CCDC66: variants seen among roughly 807,000 people sequenced by gnomAD.
CCDC66 encodes the protein coiled-coil domain-containing protein 66.
In CCDC66, 133 loss-of-function variants were observed where a neutral mutation model predicts 128.3. The ratio of observed to expected loss-of-function variants is 1.04; its 90% CI spans 0.90 to 1.20. The LOEUF is 1.20. Among genes scored for constraint, CCDC66 ranks in the 50% most tolerant of loss-of-function variants. The pLI, the probability that CCDC66 is intolerant of heterozygous loss-of-function variation, is 0.00. For missense variants in CCDC66, 1,126 were observed against 1,075.5 expected, an observed-to-expected ratio of 1.05 and a Z score of -0.66; for synonymous variants, 387 against 357.0, an observed-to-expected ratio of 1.08 and a Z score of -0.95.
intron 10 of CCDC66, 94 bp from the exon 11 acceptor site, chr3:56,613,495 G>A: frequency 7.0e-7 from 1 of 1,422,522 alleles, no homozygotes; most frequent in Admixed American, 2.5e-5. Context: ...CTGTGGAAGA[G>A]GTGAGCACTG....
At position 56,619,403 on chromosome 3, in the gene CCDC66, A is replaced by G. The variant is rs771966078; in HGVS notation, c.2511A>G (p.Ser837=). The G allele has an allele frequency of 6.2e-7, 1 of 1,614,164 alleles. No homozygotes were observed. Among genetic ancestry groups the G allele is most frequent in the South Asian group, 1.1e-5 (1 of 91,072 alleles). The change falls in exon 16 of 18, where the codon TCA becomes TCG. Residue 837 remains serine, a synonymous_variant. Transcript: ENST00000394672. Reference sequence around the variant, plus strand: ...CAGGAAGTAATCAAACAGAATTATCATCTGGGATTTCTGAATCATCCCATT... The same window carrying G: ...CAGGAAGTAATCAAACAGAATTATCGTCTGGGATTTCTGAATCATCCCATT... ...LISGSNQTEL[S]SGISESSHFI...
At position 56,605,348 on chromosome 3, in the gene CCDC66, G is replaced by T. The variant is rs535150257; in HGVS notation, c.1405-8241G>T. ...CTTGTGATCCTTTGGAGGAGAAGAG[G>T]CGTTCTGGTTTTTGGAATTTTCAGT... On this transcript the variant is annotated intron_variant, in intron 10 of 17. Coordinates refer to ENST00000394672, the MANE Select transcript of CCDC66 (RefSeq NM_001141947.3). Among the ~76,000 whole-genome samples, 152 of 152,134 alleles carry T rather than the reference G, an allele frequency of 1.0e-3. 1 individual carries two copies. Among genetic ancestry groups the T allele is most frequent in the African/African-American group, 3.3e-3 (137 of 41,434 alleles).
At chr3:56,580,038 G>A (rs953458928) in intron 7 of CCDC66, among the ~76,000 whole-genome samples, 1 of 151,668 alleles carries the variant, frequency 6.6e-6, no homozygotes, top group African/African-American at 2.4e-5. Context: ...TATTGTGTGG[G>A]AGTCTAAGTC....
intron 7 of CCDC66, among the ~76,000 whole-genome samples, chr3:56,591,618 C>G (rs1000872818): frequency 2.0e-5 from 3 of 152,180 alleles, no homozygotes; most frequent in African/African-American, 7.2e-5. Context: ...CCATTTTGAC[C>G]TCTAAAACAT....
At chr3:56,569,325 T>C (rs1302469364) in intron 6 of CCDC66, 1 of 346,830 alleles carries the variant, frequency 2.9e-6, no homozygotes, top group Non-Finnish European at 6.1e-6. Context: ...TTGCAGACTG[T>C]ACAAGCATGG....
At chr3:56,605,066 A>G (rs2073873256) in intron 10 of CCDC66, among the ~76,000 whole-genome samples, 1 of 151,876 alleles carries the variant, frequency 6.6e-6, no homozygotes, top group Admixed American at 6.6e-5. Flanking sequence ...CAGTTTGGCT[A>G]TTGATACTTG....
In CCDC66 at chr3:56,615,135, T is replaced by A. The variant is rs1308359328; in HGVS notation, c.1574T>A (p.Met525Lys). ...ILKQKQKEEI[M>K]TLKTNELFQT... ...ACACATCAATATTGACAGGAAATCA[T>A]GACTCTCAAGACAAATGAGCTATTC... The change falls in exon 12 of 18, where the codon ATG (methionine) becomes AAG (lysine). Residue 525 changes from methionine (M) to lysine (K), a missense_variant. Transcript: ENST00000394672. 1 of 1,613,310 alleles carries A rather than the reference T, an allele frequency of 6.2e-7. No individual in the cohort carries two copies. Among genetic ancestry groups the A allele is most frequent in the African/African-American group, 1.3e-5 (1 of 74,876 alleles).
intron 10 of CCDC66, among the ~76,000 whole-genome samples, chr3:56,611,253 T>TG (rs2074763539): frequency 6.6e-6 from 1 of 151,982 alleles, no homozygotes; most frequent in African/African-American, 2.4e-5. Context: ...GTGGCTGCTG[T>TG]GGGGGACGGG....
chr3:56,612,931 G>T (rs1319902841), intron 10 of CCDC66, among the ~76,000 whole-genome samples: 1 of 152,134 alleles, frequency 6.6e-6, no homozygotes, highest in Non-Finnish European at 1.5e-5. Context: ...GATTTCCCAG[G>T]CCACCAGCAG....
In CCDC66 at chr3:56,621,659, C is replaced by A; in HGVS notation, c.*41C>A. 1 of 1,389,080 alleles carries A rather than the reference C, an allele frequency of 7.2e-7. No homozygotes were observed. The highest frequency in any genetic ancestry group is 1.0e-6 in the Non-Finnish European group (1 of 997,146). The allele number at this position is 1,389,080 out of a possible 1,614,324, so 86.0% of individuals were successfully genotyped here. On this transcript the variant is annotated 3_prime_UTR_variant, in exon 18 of 18. Coordinates refer to ENST00000394672, the MANE Select transcript of CCDC66 (RefSeq NM_001141947.3). ...TCCTTCACATTTGATTTGTGTCTTCCAAATTATAAAATGTGCTCACTGGCT... is the reference window on the plus strand; with the variant it reads ...TCCTTCACATTTGATTTGTGTCTTCAAAATTATAAAATGTGCTCACTGGCT...
intron 7 of CCDC66, among the ~76,000 whole-genome samples, chr3:56,576,957 A>G (rs558179148): frequency 8.6e-5 from 13 of 151,958 alleles, no homozygotes; most frequent in African/African-American, 3.1e-4. Flanking sequence ...GGCTGGGTCA[A>G]ATAGTATTTC....
intron 7 of CCDC66, among the ~76,000 whole-genome samples, chr3:56,584,058 C>CG (rs1404558600): frequency 2.6e-5 from 3 of 115,876 alleles, no homozygotes; most frequent in African/African-American, 1.1e-4. Flanking sequence ...GCTGGCCGGG[C>CG]GGGGGCTGCC....
rs2071405508 is a variant in CCDC66, at chr3:56,594,037, T to C, written c.1404+9T>C. The C allele has an allele frequency of 3.7e-6, 6 of 1,603,746 alleles. No homozygotes were observed. In the East Asian group the frequency reaches 1.1e-4, roughly 30 times the overall value. On this transcript the variant is annotated intron_variant, in intron 10 of 17. Coordinates refer to ENST00000394672, the MANE Select transcript of CCDC66 (RefSeq NM_001141947.3). ...AACAATTAGAGCATCAGGTATTGCA[T>C]TGTTAAACATTGTTCTTTACCTTAA...
At chr3:56,595,539 A>C (rs2071724138) in intron 10 of CCDC66, among the ~76,000 whole-genome samples, 1 of 152,218 alleles carries the variant, frequency 6.6e-6, no homozygotes, top group Non-Finnish European at 1.5e-5. Context: ...TAACATAATG[A>C]CGTCCAGTCC....
At chr3:56,617,889 C>A in intron 14 of CCDC66, 1 of 564,980 alleles carries the variant, frequency 1.8e-6, no homozygotes, top group Non-Finnish European at 3.1e-6. Context: ...TTATGCTTAT[C>A]GAGTCCTTTA....
intron 15 of CCDC66, 89 bp downstream of exon 15, chr3:56,618,301 G>C (rs2075789201): frequency 2.6e-6 from 3 of 1,144,692 alleles, no homozygotes; most frequent in Non-Finnish European, 2.6e-6. Flanking sequence ...GCATCATATG[G>C]TATATGTAGA....
Position 56,617,332 on chromosome 3 carries a change from G to A in CCDC66, c.2064G>A (p.Glu688=). 6.2e-7 allele frequency: 1 copy of A among 1,612,208 alleles called. No individual in the cohort carries two copies. Among genetic ancestry groups the A allele is most frequent in the Non-Finnish European group, 8.5e-7 (1 of 1,179,628 alleles). Residue 688 remains glutamate (E), a synonymous_variant, in exon 14 of 18, where the codon GAG becomes GAA. Transcript: ENST00000394672. ...AGTGTAATCAGTTCACAAGAATAGA[G>A]AAACAAACAAAACACATGAAGAAAT... ...NDQCNQFTRI[E]KQTKHMKKYP...
rs574001254 is a variant in CCDC66, at chr3:56,602,329, C to T, written c.1404+8301C>T. ...ATCCCAGATATGAAGCCAACTTGAT[C>T]GTGCTGGATAAGCTTTTTGATGTGC... On this transcript the variant is annotated intron_variant, in intron 10 of 17. Coordinates refer to ENST00000394672, the MANE Select transcript of CCDC66 (RefSeq NM_001141947.3). Among the ~76,000 whole-genome samples the T allele has an allele frequency of 2.8e-4, 42 of 152,180 alleles. 1 individual carries two copies. The highest frequency in any genetic ancestry group is 1.4e-3 in the Admixed American group (21 of 15,290).
At position 56,587,298 on chromosome 3, in the gene CCDC66, T is replaced by A. The variant is rs944451759; in HGVS notation, c.937-5672T>A. ...ACATTACATAGAATGTTATAGTGGA[T>A]TTTATTAGTTTGTTCTCTCATTACT... On this transcript the variant is annotated intron_variant, in intron 7 of 17. Transcript: ENST00000394672. Among the ~76,000 whole-genome samples, 7 of 151,984 alleles carry A rather than the reference T, an allele frequency of 4.6e-5. 1 individual carries two copies. The highest frequency in any genetic ancestry group is 1.7e-4 in the African/African-American group (7 of 41,540).
Sources: gnomAD v4.1 joint callset for allele counts (sites outside exome capture counted in the v4.1 genomes callset) on GRCh38, gnomAD v4.1.1 for gene constraint, MANE v1.5 for transcripts, NCBI Gene and HGNC (gene_info 2026-07-23, HGNC 2026-07-21) for gene names.